The following ILRUN variants were observed in gnomAD, a reference collection of about 807,000 sequenced individuals.
ILRUN encodes the protein protein ILRUN.
In ILRUN, 3 loss-of-function variants were observed where a neutral mutation model predicts 33.8. The ratio of observed to expected loss-of-function variants is 0.09; its 90% CI spans 0.04 to 0.23. The LOEUF (loss-of-function observed/expected upper bound fraction) is 0.23, where lower values mean the gene tolerates loss of function less well. Among genes scored for constraint, ILRUN ranks in the 10% least tolerant of loss-of-function variants. The pLI is 1.00. For synonymous variants in ILRUN, 124 were observed against 138.9 expected (o/e 0.89, Z 0.75); for missense variants, 210 against 375.1 (o/e 0.56, Z 3.64).
intron 1 of ILRUN, among the ~76,000 whole-genome samples, chr6:34,688,521 C>CA (rs888804222): frequency 1.1e-4 from 16 of 149,258 alleles, no homozygotes; most frequent in South Asian, 2.1e-4. Context: ...TAAAAGAAAC[C>CA]AAAAAAAAAG....
intron 1 of ILRUN, among the ~76,000 whole-genome samples, chr6:34,690,418 G>A (rs551759796): frequency 2.6e-5 from 4 of 151,964 alleles, no homozygotes; most frequent in Non-Finnish European, 5.9e-5. Context: ...CCAAGATTGC[G>A]CCACTGCACT....
intron 3 of ILRUN, among the ~76,000 whole-genome samples, chr6:34,645,652 G>A (rs750179440): frequency 6.1e-4 from 93 of 152,178 alleles, no homozygotes; most frequent in African/African-American, 2.2e-3. Flanking sequence ...GATTATAGGC[G>A]TGTGCCACCA....
At chr6:34,674,583 A>G (rs949985102) in intron 1 of ILRUN, among the ~76,000 whole-genome samples, 2 of 152,202 alleles carry the variant, frequency 1.3e-5, no homozygotes, top group African/African-American at 4.8e-5. Context: ...CAGTTGAAAG[A>G]ATTGAAACAG....
intron 1 of ILRUN, among the ~76,000 whole-genome samples, chr6:34,658,151 C>G (rs556951549): frequency 2.0e-5 from 3 of 152,140 alleles, no homozygotes; most frequent in African/African-American, 7.2e-5. Context: ...GAGTTTGAGA[C>G]CAGCCTGGCC....
rs1466971054 is a variant in ILRUN at position 34,588,368 on chromosome 6, C to T, written c.*2197G>A. On this transcript the variant is annotated 3_prime_UTR_variant, in exon 5 of 5. Transcript: ENST00000374023. ...CCCCTGCTGGGAAACTGGGAAGGGG[C>T]ACCCAGTGTTGGGCAGAAGAGGAAG... The T allele has an allele frequency of 7.5e-6, 3 of 397,450 alleles. No individual in the cohort carries two copies. Among genetic ancestry groups the T allele is most frequent in the Non-Finnish European group, 1.3e-5 (3 of 225,854 alleles). 24.6% of individuals were successfully genotyped at this position (397,450 alleles called of 1,614,324 possible).
At position 34,693,667 on chromosome 6, in the gene ILRUN, A is replaced by T. The variant is rs369218254; in HGVS notation, c.158+2779T>A. Among the ~76,000 whole-genome samples the T allele has an allele frequency of 3.3e-4, 47 of 142,194 alleles. 2 individuals carry two copies. Among genetic ancestry groups the T allele is most frequent in the Middle Eastern group, 3.7e-3 (1 of 268 alleles). The allele number at this position is 142,194 out of a possible 152,430, so 93.3% of individuals were successfully genotyped here. ...AAAACTCAAATAGAAGTTTTATTTT[A>T]TTTTATTTTTTTTTTTTGAGACGGA... is the stretch of plus-strand genomic sequence containing the variant. On this transcript the variant is annotated intron_variant, in intron 1 of 4. Coordinates refer to ENST00000374023, the MANE Select transcript of ILRUN (RefSeq NM_024294.4).
rs1471836676 is a variant in ILRUN at position 34,683,437 on chromosome 6, T to TAC, written c.158+13008_158+13009insGT. Among the ~76,000 whole-genome samples the TAC allele has an allele frequency of 9.8e-3, 971 of 98,752 alleles. 9 individuals carry two copies. The highest frequency in any genetic ancestry group is 0.014 in the Non-Finnish European group (686 of 49,592). 64.8% of individuals were successfully genotyped at this position (98,752 alleles called of 152,430 possible). A position where few individuals can be genotyped will look rare whatever the true frequency, so the allele number is the denominator to read the frequency against. On this transcript the variant is annotated intron_variant, in intron 1 of 4. Coordinates refer to ENST00000374023, the MANE Select transcript of ILRUN (RefSeq NM_024294.4). ...ATATATACATATATATACATATATATATACATATATATATACATATATATA... is the reference window on the plus strand; with the variant it reads ...ATATATACATATATATACATATATATACATACATATATATATACATATATATA...
intron 3 of ILRUN, among the ~76,000 whole-genome samples, chr6:34,619,499 G>A (rs1021275649): frequency 1.3e-5 from 2 of 152,040 alleles, no homozygotes; most frequent in African/African-American, 4.8e-5. Flanking sequence ...GGGACTACAC[G>A]CAGGCACTTG....
intron 1 of ILRUN, among the ~76,000 whole-genome samples, chr6:34,676,587 C>T (rs908313470): frequency 2.0e-5 from 3 of 151,830 alleles, no homozygotes; most frequent in African/African-American, 4.8e-5. Context: ...ACTGCAGCCT[C>T]GACCTCCTGG....
intron 1 of ILRUN, among the ~76,000 whole-genome samples, chr6:34,693,059 C>T (rs1763679372): frequency 1.3e-5 from 2 of 151,536 alleles, no homozygotes; most frequent in South Asian, 4.2e-4. Flanking sequence ...GCCTGGGAGA[C>T]AGAATGAGAC....
chr6:34,693,703 G>T (rs557058727), intron 1 of ILRUN, among the ~76,000 whole-genome samples: 10 of 146,574 alleles, frequency 6.8e-5, no homozygotes, highest in Non-Finnish European at 1.0e-4. Flanking sequence ...GTCTCGGTCT[G>T]TTGCCCAGGC....
chr6:34,651,375 C>T (rs1762665014), intron 2 of ILRUN, among the ~76,000 whole-genome samples: 1 of 152,016 alleles, frequency 6.6e-6, no homozygotes, highest in African/African-American at 2.4e-5. Flanking sequence ...CAGTCAGGCC[C>T]ACCAAGAGAG....
At chr6:34,692,117 C>T (rs1763661176) in intron 1 of ILRUN, among the ~76,000 whole-genome samples, 1 of 152,130 alleles carries the variant, frequency 6.6e-6, no homozygotes, top group Admixed American at 6.6e-5. Context: ...GTGAGCACCA[C>T]CAAGCCCAGC....
intron 3 of ILRUN, among the ~76,000 whole-genome samples, chr6:34,625,713 C>T (rs141792220): frequency 4.5e-4 from 68 of 152,260 alleles, no homozygotes; most frequent in African/African-American, 1.6e-3. Context: ...TTCTCCCAAT[C>T]GCCAAACATG....
intron 4 of ILRUN, among the ~76,000 whole-genome samples, chr6:34,604,371 G>A (rs1181965382): frequency 2.0e-5 from 3 of 152,180 alleles, no homozygotes; most frequent in African/African-American, 7.2e-5. Flanking sequence ...CTAAAGGAGA[G>A]GAAAACAATT....
At chr6:34,590,676 AT>A in intron 4 of ILRUN, 76 bp from the exon 5 acceptor site, 2 of 1,097,538 alleles carry the variant, frequency 1.8e-6, no homozygotes, top group African/African-American at 3.1e-5. Flanking sequence ...TGCAAGATCT[AT>A]GGTTCCCAGT....
chr6:34,633,958 G>A lies in ILRUN; in HGVS notation c.511+12643C>T, dbSNP rs191734178. 3.2e-4 allele frequency among the ~76,000 whole-genome samples: 48 copies of A among 148,442 alleles called. 1 individual carries two copies. The highest frequency in any genetic ancestry group is 1.9e-3 in the Admixed American group (29 of 14,878). On this transcript the variant is annotated intron_variant, in intron 3 of 4. Coordinates refer to ENST00000374023, the MANE Select transcript of ILRUN (RefSeq NM_024294.4). ...ACAAAGGATATTCTCTGACCACAATGGAATTAAACTAGAAACTATTAACAA... is the reference window on the plus strand; with the variant it reads ...ACAAAGGATATTCTCTGACCACAATAGAATTAAACTAGAAACTATTAACAA...
At chr6:34,630,001 G>A (rs1394031093) in intron 3 of ILRUN, among the ~76,000 whole-genome samples, 1 of 152,114 alleles carries the variant, frequency 6.6e-6, no homozygotes, top group African/African-American at 2.4e-5. Flanking sequence ...AACAATAACT[G>A]ATAATAAAAT....
At chr6:34,602,041 T>C (rs1003073511) in intron 4 of ILRUN, among the ~76,000 whole-genome samples, 1 of 152,112 alleles carries the variant, frequency 6.6e-6, no homozygotes, top group African/African-American at 2.4e-5. Flanking sequence ...CAGCATTTGA[T>C]GGAAGTAATA....
Sources: gnomAD v4.1 joint callset for allele counts (sites outside exome capture counted in the v4.1 genomes callset) on GRCh38, gnomAD v4.1.1 for gene constraint, MANE v1.5 for transcripts, NCBI Gene and HGNC (gene_info 2026-07-23, HGNC 2026-07-21) for gene names.